The following CREB5 variants were observed in gnomAD, a reference collection of about 807,000 sequenced individuals.
The protein encoded by CREB5 is cAMP responsive element binding protein 5.
In CREB5, 19 loss-of-function variants were observed where a neutral mutation model predicts 57.1. The ratio of observed to expected loss-of-function variants is 0.33; its 90% CI spans 0.23 to 0.49. CREB5 has a LOEUF of 0.49. Ranked by LOEUF, CREB5 falls within the 20% of genes least tolerant of loss-of-function variation. The pLI is 0.99. For missense variants in CREB5, 579 were observed against 671.6 expected (o/e 0.86, Z 1.52); for synonymous variants, 238 against 238.3 (o/e 1.00, Z 0.01).
At chr7:28,756,200 G>A (rs920790494) in intron 7 of CREB5, among the ~76,000 whole-genome samples, 3 of 152,000 alleles carry the variant, frequency 2.0e-5, no homozygotes, top group Non-Finnish European at 4.4e-5. Flanking sequence ...TGGAAGTGTC[G>A]AGGAAGGCAA....
At position 28,535,313 on chromosome 7, in the gene CREB5, A is replaced by AGGAG. The variant is rs377106460; in HGVS notation, c.291+27592_291+27595dup. ...AACCAATTTCTTTAGGAAAAGTGAA[A>AGGAG]GGAGGGAGGGAGGGAGGGAAGGAAA... is the stretch of plus-strand genomic sequence containing the variant. On this transcript the variant is annotated intron_variant, in intron 4 of 10. Transcript: ENST00000357727. Among the ~76,000 whole-genome samples the AGGAG allele has an allele frequency of 1.1e-3, 143 of 127,078 alleles. 13 individuals are homozygous for AGGAG. The highest frequency in any genetic ancestry group is 3.9e-3 in the African/African-American group (137 of 35,528). The allele number at this position is 127,078 out of a possible 152,430, so 83.4% of individuals were successfully genotyped here. A position where few individuals can be genotyped will look rare whatever the true frequency, so the allele number is the denominator to read the frequency against.
rs1015135410 is a variant in CREB5 at position 28,559,558 on chromosome 7, G to C, written c.292-10807G>C. Among the ~76,000 whole-genome samples, 9 of 146,722 alleles carry C rather than the reference G, an allele frequency of 6.1e-5. No individual in the cohort carries two copies. The South Asian group carries it at 2.0e-3, about 33-fold the overall frequency. On this transcript the variant is annotated intron_variant, in intron 4 of 10. Transcript: ENST00000357727. ...GCAAACTCCTGAGCTCAGGCAATCC[G>C]CCCGCCTCAGCCTCCCAAAAAGCTG...
chr7:28,457,389 A>T (rs1238355877), intron 1 of CREB5, among the ~76,000 whole-genome samples: 1 of 152,204 alleles, frequency 6.6e-6, no homozygotes, highest in African/African-American at 2.4e-5. Context: ...TGAAATAAGC[A>T]GAGGGATGAG....
chr7:28,696,505 G>T (rs912299829), intron 5 of CREB5, among the ~76,000 whole-genome samples: 2 of 152,138 alleles, frequency 1.3e-5, no homozygotes, highest in Admixed American at 6.5e-5. Context: ...AAGTGAGAAG[G>T]ATCTTATAGG....
intron 4 of CREB5, among the ~76,000 whole-genome samples, chr7:28,523,265 T>C (rs1793288141): frequency 6.6e-6 from 1 of 152,172 alleles, no homozygotes; most frequent in African/African-American, 2.4e-5. Context: ...TGCTATGTAT[T>C]AATTTGTTTA....
At chr7:28,495,447 C>T (rs970444222) in intron 3 of CREB5, among the ~76,000 whole-genome samples, 1 of 151,642 alleles carries the variant, frequency 6.6e-6, no homozygotes, top group Non-Finnish European at 1.5e-5. Context: ...GAGGCTGAGG[C>T]ATGAGAATCG....
At chr7:28,766,266 C>A (rs941425802) in intron 7 of CREB5, among the ~76,000 whole-genome samples, 2 of 152,084 alleles carry the variant, frequency 1.3e-5, no homozygotes, top group Non-Finnish European at 2.9e-5. Context: ...TCTTTCCCTT[C>A]TGAAGAAAGG....
intron 1 of CREB5, among the ~76,000 whole-genome samples, chr7:28,374,504 A>G (rs1398827264): frequency 6.6e-6 from 1 of 152,234 alleles, no homozygotes; most frequent in Non-Finnish European, 1.5e-5. Context: ...ATAACTCAGC[A>G]AGGATAAAAA....
intron 1 of CREB5, among the ~76,000 whole-genome samples, chr7:28,306,582 A>C (rs1785192466): frequency 1.1e-5 from 1 of 87,828 alleles, no homozygotes. Flanking sequence ...TTTTTTTGAG[A>C]CGGAGTCTCG....
At chr7:28,359,894 G>T (rs998967220) in intron 1 of CREB5, among the ~76,000 whole-genome samples, 1 of 152,082 alleles carries the variant, frequency 6.6e-6, no homozygotes, top group Non-Finnish European at 1.5e-5. Flanking sequence ...CAAATAACCT[G>T]ATTTAAAAAA....
intron 5 of CREB5, among the ~76,000 whole-genome samples, chr7:28,673,119 A>G (rs1346499856): frequency 5.3e-5 from 8 of 152,216 alleles, no homozygotes; most frequent in Admixed American, 5.2e-4. Context: ...ACCCAGAGTA[A>G]TACAAGGATT....
At chr7:28,666,461 C>T (rs1799827702) in intron 5 of CREB5, among the ~76,000 whole-genome samples, 1 of 152,180 alleles carries the variant, frequency 6.6e-6, no homozygotes. Flanking sequence ...AAATCACTTT[C>T]CTTTCCTGAT....
chr7:28,593,014 C>T (rs1316877924), intron 5 of CREB5, among the ~76,000 whole-genome samples: 1 of 152,156 alleles, frequency 6.6e-6, no homozygotes, highest in Admixed American at 6.5e-5. Flanking sequence ...CATGGCACAA[C>T]CACAGCATAT....
chr7:28,446,900 G>T (rs1305571172), intron 1 of CREB5, among the ~76,000 whole-genome samples: 1 of 152,208 alleles, frequency 6.6e-6, no homozygotes, highest in Non-Finnish European at 1.5e-5. Flanking sequence ...ATGCTAGATT[G>T]TGTGTATTGA....
intron 5 of CREB5, among the ~76,000 whole-genome samples, chr7:28,671,208 A>G (rs2128719122): frequency 6.6e-6 from 1 of 151,902 alleles, no homozygotes; most frequent in Non-Finnish European, 1.5e-5. Context: ...GTGAGCCGTG[A>G]TCTCACCACT....
intron 1 of CREB5, among the ~76,000 whole-genome samples, chr7:28,486,695 T>TATATATATATATATA (rs1282046289): frequency 5.4e-4 from 71 of 132,338 alleles, no homozygotes; most frequent in Non-Finnish European, 6.7e-4. Flanking sequence ...TATATATATG[T>TATATATATATATATA]TACTGTGTGG....
At chr7:28,759,377 G>C (rs901086174) in intron 7 of CREB5, among the ~76,000 whole-genome samples, 1 of 152,080 alleles carries the variant, frequency 6.6e-6, no homozygotes, top group Non-Finnish European at 1.5e-5. Flanking sequence ...CTCTGAGTTT[G>C]GTTATTTATA....
At chr7:28,600,340 G>T (rs952427393) in intron 5 of CREB5, among the ~76,000 whole-genome samples, 3 of 150,460 alleles carry the variant, frequency 2.0e-5, no homozygotes, top group Admixed American at 6.7e-5. Flanking sequence ...ACTCGCAGGC[G>T]CAAGACCTAA....
At chr7:28,424,098 A>G (rs976586280) in intron 1 of CREB5, among the ~76,000 whole-genome samples, 1 of 152,178 alleles carries the variant, frequency 6.6e-6, no homozygotes, top group South Asian at 2.1e-4. Context: ...GTGACTTCAC[A>G]TGGTCTTCCC....
Sources: allele counts gnomAD v4.1 joint callset (sites outside exome capture counted in the v4.1 genomes callset), GRCh38; gene constraint gnomAD v4.1.1; transcripts MANE v1.5; gene names NCBI Gene and HGNC (gene_info 2026-07-23, HGNC 2026-07-21).